The following CSMD2 variants were observed in gnomAD, a reference collection of about 807,000 sequenced individuals.
The protein encoded by CSMD2 is CUB and sushi domain-containing protein 2.
Under a neutral mutation model 398.5 loss-of-function variants are expected in CSMD2, and 130 were observed. That is an observed-to-expected ratio of 0.33 (90% CI 0.28 to 0.38). CSMD2 has a LOEUF of 0.38. Among genes scored for constraint, CSMD2 ranks in the 10% least tolerant of loss-of-function variants. The probability of loss-of-function intolerance (pLI) is 1.00; values close to 1 mark genes in which losing one functional copy is unlikely to be tolerated. For missense variants in CSMD2, 3,829 were observed against 4,764.9 expected, an observed-to-expected ratio of 0.80 and a Z score of 5.78; for synonymous variants, 1,828 against 1,908.5, an observed-to-expected ratio of 0.96 and a Z score of 1.10.
At chr1:33,863,532 T>A (rs750031149) in intron 5 of CSMD2, 1 of 152,240 alleles carries the variant, frequency 6.6e-6, no homozygotes, top group South Asian at 2.1e-4. Context: ...AGGTTTTAAA[T>A]TAGACAACTT....
At chr1:33,761,233 T>C (rs1430253164) in intron 13 of CSMD2, among the ~76,000 whole-genome samples, 1 of 152,116 alleles carries the variant, frequency 6.6e-6, no homozygotes, top group Non-Finnish European at 1.5e-5. Context: ...GGGGAACAGA[T>C]GGAAGTCCTG....
intron 1 of CSMD2, among the ~76,000 whole-genome samples, chr1:34,133,630 A>G (rs1638389283): frequency 6.6e-6 from 1 of 151,822 alleles, no homozygotes; most frequent in Non-Finnish European, 1.5e-5. Context: ...GACTCTGTCC[A>G]AAAGAAAAAA....
chr1:33,977,577 A>G (rs897360249), intron 3 of CSMD2, among the ~76,000 whole-genome samples: 3 of 151,668 alleles, frequency 2.0e-5, no homozygotes, highest in African/African-American at 7.3e-5. Context: ...CCCTCAGGAC[A>G]CCCCATGACC....
intron 1 of CSMD2, among the ~76,000 whole-genome samples, chr1:34,125,105 A>G (rs9425907): frequency 0.37 from 56,571 of 152,114 alleles, 11,437 homozygotes; most frequent in East Asian, 0.68. Flanking sequence ...CCAAATAAAG[A>G]AGGCCAACTC....
intron 32 of CSMD2, among the ~76,000 whole-genome samples, chr1:33,631,060 T>G (rs902616851): frequency 6.6e-6 from 1 of 150,376 alleles, no homozygotes; most frequent in African/African-American, 2.5e-5. Context: ...AGGCAGAGAT[T>G]AATAAAAAAA....
chr1:34,128,342 T>C (rs1309621549), intron 1 of CSMD2, among the ~76,000 whole-genome samples: 1 of 151,996 alleles, frequency 6.6e-6, no homozygotes, highest in African/African-American at 2.4e-5. Flanking sequence ...TGACTCTTGG[T>C]AGAATTTGTG....
intron 42 of CSMD2, among the ~76,000 whole-genome samples, chr1:33,604,264 G>T (rs1429234957): frequency 1.3e-5 from 2 of 152,236 alleles, no homozygotes; most frequent in African/African-American, 4.8e-5. Flanking sequence ...ATTGCGGAAT[G>T]ACCAACTGGT....
At chr1:33,951,268 G>A (rs1007483951) in intron 3 of CSMD2, among the ~76,000 whole-genome samples, 2 of 152,208 alleles carry the variant, frequency 1.3e-5, no homozygotes, top group African/African-American at 4.8e-5. Context: ...TCTGTCATCT[G>A]TTCAAGAGGC....
intron 2 of CSMD2, among the ~76,000 whole-genome samples, chr1:34,039,978 T>A (rs1209837129): frequency 6.6e-6 from 1 of 151,952 alleles, no homozygotes; most frequent in African/African-American, 2.4e-5. Context: ...CATGGTGAAA[T>A]CCCATCTCTA....
Position 33,523,400 on chromosome 1 carries a change from A to C in CSMD2, c.10416T>G (p.Asp3472Glu), listed in dbSNP as rs372999987. 6.5e-7 allele frequency: 1 copy of C among 1,539,160 alleles called. No homozygotes were observed. The highest frequency in any genetic ancestry group is 1.4e-5 in the African/African-American group (1 of 73,456). The change falls in exon 67 of 71, where the codon GAT becomes GAG. Residue 3472 changes from aspartate to glutamate, a missense_variant. Transcript: ENST00000373381. ...GGTACACCTGGAGTAGGAGATGAAA[A>C]TCTTCTTTCTTGTAAGTTCCTGGGA... is the stretch of plus-strand genomic sequence containing the variant. ...LHLAGTYKKE[D>E]FHLLLQVYQI... is the part of the protein sequence containing the mutation.
chr1:33,769,908 G>C (rs1338854428), intron 13 of CSMD2, among the ~76,000 whole-genome samples: 1 of 152,178 alleles, frequency 6.6e-6, no homozygotes, highest in Non-Finnish European at 1.5e-5. Flanking sequence ...TTTGCTAGAG[G>C]AGCTTTTGTA....
At chr1:33,630,581 C>T (rs1049064008) in intron 32 of CSMD2, among the ~76,000 whole-genome samples, 23 of 152,020 alleles carry the variant, frequency 1.5e-4, no homozygotes, top group Admixed American at 2.0e-4. Flanking sequence ...TGAGCTCATT[C>T]GTCTTGCTTC....
chr1:33,910,104 T>C (rs987579279), intron 5 of CSMD2, among the ~76,000 whole-genome samples: 3 of 151,954 alleles, frequency 2.0e-5, no homozygotes, highest in Admixed American at 1.3e-4. Flanking sequence ...ACAAAAAAAG[T>C]TTTATAGCTG....
At chr1:33,949,593 AGCTGCCCTGT>A (rs1425078605) in intron 3 of CSMD2, among the ~76,000 whole-genome samples, 1 of 152,226 alleles carries the variant, frequency 6.6e-6, no homozygotes, top group African/African-American at 2.4e-5. Flanking sequence ...TCCTCGCCTC[AGCTGCCCTGT>A]GCTGCCCTGG....
At chr1:33,620,238 A>G (rs377248002) in intron 37 of CSMD2, among the ~76,000 whole-genome samples, 28 of 152,270 alleles carry the variant, frequency 1.8e-4, no homozygotes, top group East Asian at 5.8e-4. Flanking sequence ...TATGAATCAT[A>G]GCAGTGGATG....
chr1:33,693,335 C>T (rs963204377), intron 24 of CSMD2, among the ~76,000 whole-genome samples: 2 of 152,202 alleles, frequency 1.3e-5, no homozygotes, highest in Non-Finnish European at 2.9e-5. Flanking sequence ...ATAGCCAATA[C>T]ATACATGAAA....
intron 4 of CSMD2, among the ~76,000 whole-genome samples, chr1:33,932,342 A>T (rs1038717983): frequency 5.3e-5 from 8 of 152,192 alleles, no homozygotes; most frequent in Non-Finnish European, 1.0e-4. Context: ...AGATGGAAGA[A>T]ATCCCCAGAG....
intron 67 of CSMD2, among the ~76,000 whole-genome samples, 160 bp from the exon 68 acceptor site, chr1:33,521,710 C>T (rs145727475): frequency 2.0e-3 from 305 of 152,196 alleles, no homozygotes; most frequent in Non-Finnish European, 3.5e-3. Flanking sequence ...TGGGTGTGAC[C>T]GGGGAGCCCG....
intron 6 of CSMD2, among the ~76,000 whole-genome samples, chr1:33,841,352 T>C (rs1046351215): frequency 3.3e-5 from 5 of 152,186 alleles, no homozygotes; most frequent in Non-Finnish European, 7.4e-5. Context: ...AATATGAGGA[T>C]TGAGGGTTCC....
Sources: allele counts gnomAD v4.1 joint callset (sites outside exome capture counted in the v4.1 genomes callset), GRCh38; gene constraint gnomAD v4.1.1; transcripts MANE v1.5; gene names NCBI Gene and HGNC (gene_info 2026-07-23, HGNC 2026-07-21).